The following DPP10 variants were observed in gnomAD, a reference collection of about 807,000 sequenced individuals.
DPP10 encodes dipeptidyl peptidase like 10.
Under a neutral mutation model 120.9 loss-of-function variants are expected in DPP10, and 33 were observed. The ratio of observed to expected loss-of-function variants is 0.27; its 90% CI spans 0.21 to 0.37. DPP10 has a LOEUF of 0.37. Ranked by LOEUF, DPP10 falls within the 10% of genes least tolerant of loss-of-function variation. The probability of loss-of-function intolerance (pLI) is 1.00; values close to 1 mark genes in which losing one functional copy is unlikely to be tolerated. For synonymous variants in DPP10, 337 were observed against 326.1 expected (o/e 1.03, Z -0.36); for missense variants, 816 against 942.8 (o/e 0.87, Z 1.76).
At chr2:114,579,388 T>A (rs985191062) in intron 1 of DPP10, among the ~76,000 whole-genome samples, 1 of 152,154 alleles carries the variant, frequency 6.6e-6, no homozygotes. Context: ...GGGGAAATAA[T>A]GTACTGTAAT....
intron 1 of DPP10, among the ~76,000 whole-genome samples, chr2:115,030,909 G>T (rs1462229701): frequency 6.6e-6 from 1 of 152,130 alleles, no homozygotes. Context: ...CCATTACTGG[G>T]TATATACCCA....
intron 1 of DPP10, among the ~76,000 whole-genome samples, chr2:114,765,078 T>C (rs955289224): frequency 6.6e-6 from 1 of 152,182 alleles, no homozygotes; most frequent in African/African-American, 2.4e-5. Flanking sequence ...CAGCTCTGTA[T>C]ATTCCAAAGG....
intron 1 of DPP10, among the ~76,000 whole-genome samples, chr2:114,616,359 G>C (rs1034822849): frequency 2.6e-5 from 4 of 152,120 alleles, no homozygotes; most frequent in African/African-American, 9.7e-5. Context: ...GTTGAGTCTT[G>C]AAGAGTCATG....
At chr2:114,761,231 C>A (rs1321556784) in intron 1 of DPP10, among the ~76,000 whole-genome samples, 1 of 151,638 alleles carries the variant, frequency 6.6e-6, no homozygotes, top group Non-Finnish European at 1.5e-5. Flanking sequence ...GCAAGAAAAG[C>A]AAATAAAAAA....
At chr2:115,098,600 G>T (rs534735714) in intron 1 of DPP10, among the ~76,000 whole-genome samples, 1 of 152,050 alleles carries the variant, frequency 6.6e-6, no homozygotes, top group Admixed American at 6.6e-5. Flanking sequence ...TAAAAATTCA[G>T]TACTATAATC....
chr2:114,586,098 T>C (rs1165800855), intron 1 of DPP10, among the ~76,000 whole-genome samples: 1 of 151,998 alleles, frequency 6.6e-6, no homozygotes, highest in Non-Finnish European at 1.5e-5. Context: ...AAATACAAAA[T>C]TAATTAGCTG....
intron 13 of DPP10, among the ~76,000 whole-genome samples, chr2:115,776,185 G>T (rs759455375): frequency 2.6e-5 from 4 of 152,032 alleles, no homozygotes; most frequent in African/African-American, 4.8e-5. Flanking sequence ...AAGCTCTGGG[G>T]TACATGTGCA....
intron 1 of DPP10, among the ~76,000 whole-genome samples, chr2:114,501,940 T>A (rs2104518330): frequency 7.0e-6 from 1 of 143,404 alleles, no homozygotes; most frequent in Admixed American, 6.9e-5. Context: ...TTCCTTTTTT[T>A]TTTTTTTTTT....
rs765548930 is a variant in DPP10, at chr2:115,657,090, CAT to C, written c.442-32595_442-32594del. The stretch of plus-strand genomic sequence containing the variant: ...ATACATTTTCCCATCCTAAGAAATG[CAT>C]AGTTTTTGCTTCCATTGGCATTAAA... On this transcript the variant is annotated intron_variant, in intron 5 of 25. Coordinates refer to ENST00000410059, the MANE Select transcript of DPP10 (RefSeq NM_020868.6). 8.6e-5 allele frequency among the ~76,000 whole-genome samples: 13 copies of C among 151,664 alleles called. No homozygotes were observed. The East Asian group carries it at 1.4e-3, about 16-fold the overall frequency.
chr2:115,783,117 T>A lies in DPP10; in HGVS notation c.1531+718T>A, dbSNP rs536119245. On this transcript the variant is annotated intron_variant, in intron 17 of 25. Transcript: ENST00000410059. ...TTAAGTTTTATTTAATCAATGCTTC[T>A]ATTCTGTGATGATTTCACATAAGCT... 7.2e-5 allele frequency among the ~76,000 whole-genome samples: 11 copies of A among 152,276 alleles called. No homozygotes were observed. In the South Asian group the frequency reaches 2.3e-3, roughly 32 times the overall value.
intron 1 of DPP10, among the ~76,000 whole-genome samples, chr2:114,560,550 C>A (rs577419293): frequency 1.3e-5 from 2 of 152,278 alleles, no homozygotes; most frequent in African/African-American, 2.4e-5. Flanking sequence ...TATAGCCACA[C>A]AGGCTTGGCA....
chr2:115,197,195 C>T (rs560054107), intron 1 of DPP10, among the ~76,000 whole-genome samples: 1 of 152,156 alleles, frequency 6.6e-6, no homozygotes, highest in Non-Finnish European at 1.5e-5. Context: ...AGATCGAGAC[C>T]AGCCTGGCCA....
At chr2:114,709,997 A>T (rs528659890) in intron 1 of DPP10, among the ~76,000 whole-genome samples, 19 of 152,288 alleles carry the variant, frequency 1.2e-4, no homozygotes, top group African/African-American at 4.6e-4. Context: ...CATCTGACCT[A>T]CTTTCAGGAG....
At chr2:114,869,250 T>C (rs964761703) in intron 1 of DPP10, among the ~76,000 whole-genome samples, 5 of 152,166 alleles carry the variant, frequency 3.3e-5, no homozygotes, top group African/African-American at 9.7e-5. Flanking sequence ...ATATATATTA[T>C]GTTTATGAGC....
intron 1 of DPP10, among the ~76,000 whole-genome samples, chr2:115,105,160 C>G (rs943811574): frequency 6.6e-6 from 1 of 152,150 alleles, no homozygotes; most frequent in Admixed American, 6.5e-5. Flanking sequence ...CTAGGTCTAC[C>G]TCTCTATTGA....
chr2:114,649,462 CCTGATTCTCCCG>C (rs1696406408), intron 1 of DPP10, among the ~76,000 whole-genome samples: 1 of 151,896 alleles, frequency 6.6e-6, no homozygotes, highest in African/African-American at 2.4e-5. Context: ...CATTCTCCTG[CCTGATTCTCCCG>C]AGTAGCTGGG....
At chr2:114,744,574 T>A (rs896427306) in intron 1 of DPP10, among the ~76,000 whole-genome samples, 1 of 152,100 alleles carries the variant, frequency 6.6e-6, no homozygotes, top group Non-Finnish European at 1.5e-5. Flanking sequence ...CACTGACAAA[T>A]AAGTTTGAAA....
chr2:114,749,487 A>T (rs1249902611), intron 1 of DPP10, among the ~76,000 whole-genome samples: 2 of 152,076 alleles, frequency 1.3e-5, no homozygotes, highest in African/African-American at 4.8e-5. Context: ...CCCATCAATA[A>T]TGGTTAAAAA....
chr2:115,624,439 G>T (rs2085205726), intron 5 of DPP10, among the ~76,000 whole-genome samples: 1 of 152,132 alleles, frequency 6.6e-6, no homozygotes, highest in East Asian at 1.9e-4. Context: ...AAAATGTTTA[G>T]TTTGGCAGCA....
Sources: allele counts gnomAD v4.1 joint callset (sites outside exome capture counted in the v4.1 genomes callset), GRCh38; gene constraint gnomAD v4.1.1; transcripts MANE v1.5; gene names NCBI Gene and HGNC (gene_info 2026-07-23, HGNC 2026-07-21).